The following GALNT17 variants were observed in gnomAD, a reference collection of about 807,000 sequenced individuals.
The protein encoded by GALNT17 is polypeptide N-acetylgalactosaminyltransferase 17, also known as UDP-GalNAc:polypeptide N-acetylgalactosaminyltransferase-like 3.
GALNT17 carries 29 observed loss-of-function variants against 63.7 expected under a neutral mutation model. That is an observed-to-expected ratio of 0.46 (90% CI 0.34 to 0.62). The LOEUF (loss-of-function observed/expected upper bound fraction) is 0.62. Among genes scored for constraint, GALNT17 ranks in the 20% least tolerant of loss-of-function variants. The pLI is 0.01. For synonymous variants in GALNT17, 305 were observed against 318.3 expected (o/e 0.96, Z 0.45); for missense variants, 603 against 799.6 (o/e 0.75, Z 2.97).
intron 7 of GALNT17, 133 bp downstream of exon 7, chr7:71,665,729 G>T: frequency 9.9e-7 from 1 of 1,015,166 alleles, no homozygotes; most frequent in Non-Finnish European, 1.4e-6. Context: ...GCATTTCAAA[G>T]GGATTCACAG....
intron 6 of GALNT17, among the ~76,000 whole-genome samples, chr7:71,621,236 A>T (rs1030505707): frequency 2.0e-5 from 3 of 151,694 alleles, no homozygotes; most frequent in Non-Finnish European, 4.4e-5. Context: ...CTTGCCTTAC[A>T]TCATGCTCTG....
At chr7:71,710,982 A>G (rs1355134650) in intron 10 of GALNT17, 54 bp downstream of exon 10, 2 of 1,582,830 alleles carry the variant, frequency 1.3e-6, no homozygotes, top group East Asian at 2.3e-5. Flanking sequence ...GAGGCTGCAG[A>G]CCACAGAGGG....
chr7:71,583,441 C>T (rs12699056), intron 6 of GALNT17, among the ~76,000 whole-genome samples: 70,480 of 152,030 alleles, frequency 0.46, 19,413 homozygotes, highest in East Asian at 0.74. Context: ...GTCAGGCCCC[C>T]GTAGCCCCTC....
At chr7:71,468,885 T>C (rs1787581679) in intron 5 of GALNT17, among the ~76,000 whole-genome samples, 1 of 152,174 alleles carries the variant, frequency 6.6e-6, no homozygotes, top group Non-Finnish European at 1.5e-5. Context: ...TGTTAAACTC[T>C]TATTATTTGT....
chr7:71,386,382 G>T (rs73360161), intron 2 of GALNT17, among the ~76,000 whole-genome samples: 13 of 151,998 alleles, frequency 8.6e-5, no homozygotes, highest in African/African-American at 2.9e-4. Flanking sequence ...TCCCTGTTCC[G>T]TTGTGCTATA....
intron 2 of GALNT17, among the ~76,000 whole-genome samples, chr7:71,354,423 A>T (rs1792245900): frequency 1.3e-5 from 2 of 152,178 alleles, no homozygotes; most frequent in African/African-American, 4.8e-5. Context: ...GGGTTCTTTT[A>T]TTAGGATGGG....
At chr7:71,327,437 T>A (rs557585203) in intron 1 of GALNT17, among the ~76,000 whole-genome samples, 2 of 152,090 alleles carry the variant, frequency 1.3e-5, no homozygotes, top group Non-Finnish European at 2.9e-5. Flanking sequence ...GAGAACAGTA[T>A]GGGGAAAACT....
At chr7:71,229,106 C>T (rs1188426444) in intron 1 of GALNT17, among the ~76,000 whole-genome samples, 2 of 152,176 alleles carry the variant, frequency 1.3e-5, no homozygotes, top group Admixed American at 1.3e-4. Context: ...GTCCTCCTGC[C>T]TTTTCCTCTT....
At chr7:71,590,755 T>A (rs1771541008) in intron 6 of GALNT17, among the ~76,000 whole-genome samples, 1 of 152,152 alleles carries the variant, frequency 6.6e-6, no homozygotes, top group African/African-American at 2.4e-5. Flanking sequence ...GAGATGGAGT[T>A]TCACTCTTGT....
chr7:71,213,248 T>C (rs1381517046), intron 1 of GALNT17, among the ~76,000 whole-genome samples: 1 of 152,188 alleles, frequency 6.6e-6, no homozygotes, highest in African/African-American at 2.4e-5. Flanking sequence ...CTTTTGCTTC[T>C]TCCTCATTTT....
intron 1 of GALNT17, among the ~76,000 whole-genome samples, chr7:71,303,190 T>A (rs1168408494): frequency 6.6e-6 from 1 of 151,560 alleles, no homozygotes; most frequent in Non-Finnish European, 1.5e-5. Context: ...AGGTTCTCGC[T>A]GTGTTGCCCA....
At chr7:71,570,186 A>G (rs565339217) in intron 5 of GALNT17, among the ~76,000 whole-genome samples, 1 of 152,144 alleles carries the variant, frequency 6.6e-6, no homozygotes, top group Admixed American at 6.6e-5. Flanking sequence ...AACCAAGGGG[A>G]TGAATTTATA....
intron 1 of GALNT17, among the ~76,000 whole-genome samples, chr7:71,157,816 T>G (rs932108490): frequency 6.6e-6 from 1 of 151,786 alleles, no homozygotes; most frequent in Non-Finnish European, 1.5e-5. Context: ...ATCACTAGTC[T>G]ACTCTCTGTC....
At chr7:71,583,692 A>G (rs957665777) in intron 6 of GALNT17, among the ~76,000 whole-genome samples, 5 of 152,144 alleles carry the variant, frequency 3.3e-5, no homozygotes, top group Non-Finnish European at 5.9e-5. Context: ...TGATCTATGT[A>G]GAAAGCTATA....
At chr7:71,305,713 G>C (rs1484289065) in intron 1 of GALNT17, among the ~76,000 whole-genome samples, 1 of 152,172 alleles carries the variant, frequency 6.6e-6, no homozygotes, top group African/African-American at 2.4e-5. Flanking sequence ...TTGGCGACCT[G>C]ATGTCACCCA....
Position 71,222,095 on chromosome 7 carries a change from TG to T in GALNT17, c.238+89059del, listed in dbSNP as rs369540106. On this transcript the variant is annotated intron_variant, in intron 1 of 10. Transcript: ENST00000333538. ...GCTAATTTTGATTTTTTAGTAGAGA[TG>T]GGGTTTCACCATGTTGGCCAGACTG... Among the ~76,000 whole-genome samples the T allele has an allele frequency of 7.7e-4, 117 of 151,036 alleles. 1 individual carries two copies. Among genetic ancestry groups the T allele is most frequent in the African/African-American group, 2.6e-3 (108 of 41,094 alleles).
intron 5 of GALNT17, among the ~76,000 whole-genome samples, chr7:71,429,062 C>T (rs1330952525): frequency 1.3e-5 from 2 of 152,194 alleles, no homozygotes; most frequent in Non-Finnish European, 2.9e-5. Context: ...AAGTATTCGG[C>T]TAATCTGTTT....
intron 3 of GALNT17, among the ~76,000 whole-genome samples, chr7:71,391,849 C>T (rs1246415970): frequency 2.0e-5 from 3 of 152,070 alleles, no homozygotes; most frequent in African/African-American, 7.2e-5. Context: ...TGTACAAGAA[C>T]CATGGCACCA....
At chr7:71,379,210 A>G (rs1222756198) in intron 2 of GALNT17, among the ~76,000 whole-genome samples, 1 of 152,172 alleles carries the variant, frequency 6.6e-6, no homozygotes, top group Non-Finnish European at 1.5e-5. Context: ...TTGGGCAGAT[A>G]GAACAGTTTG....
Sources: allele counts gnomAD v4.1 joint callset (sites outside exome capture counted in the v4.1 genomes callset), GRCh38; gene constraint gnomAD v4.1.1; transcripts MANE v1.5; gene names NCBI Gene and HGNC (gene_info 2026-07-23, HGNC 2026-07-21).